The following FBXO15 variants were observed in gnomAD, a reference collection of about 807,000 sequenced individuals.
The protein encoded by FBXO15 is F-box only protein 15.
FBXO15 carries 30 observed loss-of-function variants against 49.5 expected under a neutral mutation model. The observed-to-expected ratio is 0.61, with a 90% CI of 0.45 to 0.82. The LOEUF (loss-of-function observed/expected upper bound fraction) is 0.82, where lower values mean the gene tolerates loss of function less well. Among genes scored for constraint, FBXO15 ranks in the 40% least tolerant of loss-of-function variants. The pLI is 0.00. For synonymous variants in FBXO15, 250 were observed against 232.7 expected, an observed-to-expected ratio of 1.07 and a Z score of -0.68; for missense variants, 591 against 631.5, an observed-to-expected ratio of 0.94 and a Z score of 0.69.
intron 1 of FBXO15, among the ~76,000 whole-genome samples, chr18:74,146,670 T>A (rs1979433762): frequency 6.6e-6 from 1 of 152,144 alleles, no homozygotes; most frequent in African/African-American, 2.4e-5. Context: ...AGGTATTCAA[T>A]TAAGAACTAT....
rs763917781 is a variant in FBXO15 at position 74,073,594 on chromosome 18, T to C, written c.1400A>G (p.Asp467Gly). The change falls in exon 10 of 10, where the codon GAC (aspartate) becomes GGC (glycine). Residue 467 changes from aspartate to glycine, a missense_variant. Coordinates refer to ENST00000419743, the MANE Select transcript of FBXO15 (RefSeq NM_001142958.2). ...SSFLGQTYNVDYVDAEGRVHV... is the reference protein window; with the variant it reads ...SSFLGQTYNVGYVDAEGRVHV... Reference sequence around the variant, plus strand: ...CACTCTTCCTTCCGCATCAACGTAGTCCACGTTGTATGTCTGTCCCAAGAA... The same window carrying C: ...CACTCTTCCTTCCGCATCAACGTAGCCCACGTTGTATGTCTGTCCCAAGAA... 7.4e-6 allele frequency: 12 copies of C among 1,614,080 alleles called. No homozygotes were observed. Among genetic ancestry groups the C allele is most frequent in the Non-Finnish European group, 1.0e-5 (12 of 1,180,038 alleles).
In FBXO15 at chr18:74,075,564, T is replaced by C. The variant is rs903988762; in HGVS notation, c.1264-1834A>G. Among the ~76,000 whole-genome samples, 1 of 152,224 alleles carries C rather than the reference T, an allele frequency of 6.6e-6. No individual in the cohort carries two copies. Among genetic ancestry groups the C allele is most frequent in the African/African-American group, 2.4e-5 (1 of 41,460 alleles). ...CCAGACAACCCTCTCCAAAGAGCTG[T>C]CTCCGCTGGATTTGTCCATTAATAC... On this transcript the variant is annotated intron_variant, in intron 9 of 9. Coordinates refer to ENST00000419743, the MANE Select transcript of FBXO15 (RefSeq NM_001142958.2). The surrounding 1 kb of genome is among the most constrained non-coding windows in gnomAD (Gnocchi z 4.1).
At chr18:74,108,326 T>C (rs1447457826) in intron 8 of FBXO15, among the ~76,000 whole-genome samples, 2 of 151,432 alleles carry the variant, frequency 1.3e-5, no homozygotes, top group African/African-American at 4.9e-5. Context: ...CAAGAATAGG[T>C]AAGCAATGTA....
chr18:74,126,227 G>C, intron 5 of FBXO15, 126 bp from the exon 6 acceptor site: 1 of 1,272,712 alleles, frequency 7.9e-7, no homozygotes, highest in Non-Finnish European at 1.1e-6. Context: ...CAAACTAAGT[G>C]GCATGTTGGC....
chr18:74,103,436 A>C (rs1004757467), intron 8 of FBXO15, among the ~76,000 whole-genome samples: 2 of 152,044 alleles, frequency 1.3e-5, no homozygotes, highest in Non-Finnish European at 2.9e-5. Context: ...GTTGAGCAAG[A>C]ACAAGTAGTA....
chr18:74,116,819 G>A (rs923866020), intron 8 of FBXO15, among the ~76,000 whole-genome samples: 2 of 152,112 alleles, frequency 1.3e-5, no homozygotes, highest in African/African-American at 4.8e-5. Context: ...ATAACGGTTT[G>A]TTAATAGATG....
rs1912216283 is a variant in FBXO15 at position 74,075,332 on chromosome 18, T to C, written c.1264-1602A>G. 6.6e-6 allele frequency among the ~76,000 whole-genome samples: 1 copy of C among 152,208 alleles called. No individual in the cohort carries two copies. The highest frequency in any genetic ancestry group is 1.5e-5 in the Non-Finnish European group (1 of 68,032). The stretch of plus-strand genomic sequence containing the variant: ...GCCCACCTCTCCTCACATGTGTTTC[T>C]CATCTGCTCCTCCCGGGTGTGGCCC... On this transcript the variant is annotated intron_variant, in intron 9 of 9. Transcript: ENST00000419743. The surrounding 1 kb of genome is among the most constrained non-coding windows in gnomAD (Gnocchi z 4.1).
intron 9 of FBXO15, among the ~76,000 whole-genome samples, chr18:74,078,281 A>G (rs1912336083): frequency 6.6e-6 from 1 of 151,914 alleles, no homozygotes; most frequent in Admixed American, 6.6e-5. Flanking sequence ...CTCTTTAACA[A>G]CATCCACAGA....
At chr18:74,104,594 C>T (rs1913665083) in intron 8 of FBXO15, among the ~76,000 whole-genome samples, 1 of 152,046 alleles carries the variant, frequency 6.6e-6, no homozygotes, top group African/African-American at 2.4e-5. Flanking sequence ...AAAGATATTC[C>T]ATACAACTGC....
At chr18:74,141,854 C>G (rs1979097530) in intron 1 of FBXO15, among the ~76,000 whole-genome samples, 1 of 152,188 alleles carries the variant, frequency 6.6e-6, no homozygotes, top group African/African-American at 2.4e-5. Context: ...CACCTGGCTG[C>G]CCTGCTTCCC....
In FBXO15 at chr18:74,147,733, G is replaced by C. The variant is rs1979543732; in HGVS notation, c.53C>G (p.Thr18Arg). Reference protein sequence around the residue: ...ILQQHWLGLQTLRGPSRGGGA... With the variant: ...ILQQHWLGLQRLRGPSRGGGA... ...ACCGCCCCTGCTGGGCCCGCGCAGC[G>C]TCTGGAGGCCGAGCCAGTGCTGCTG... The change falls in exon 1 of 10, where the codon ACG (threonine) becomes AGG (arginine). Residue 18 changes from threonine (T) to arginine (R), a missense_variant. By Grantham distance (71) the Thr-to-Arg change is moderately conservative. Transcript: ENST00000419743. 2 of 1,536,372 alleles carry C rather than the reference G, an allele frequency of 1.3e-6. No individual in the cohort carries two copies. The highest frequency in any genetic ancestry group is 1.7e-6 in the Non-Finnish European group (2 of 1,143,388).
rs1335758080 is a variant in FBXO15, at chr18:74,147,794, G to T, written c.-9C>A. Reference sequence around the variant, plus strand: ...CCGCGTCCAGTCGCCATAGAGACAAGGAGTTCACCACAGGACCGCGCCAGG... The same window carrying T: ...CCGCGTCCAGTCGCCATAGAGACAATGAGTTCACCACAGGACCGCGCCAGG... On this transcript the variant is annotated 5_prime_UTR_variant, in exon 1 of 10. Transcript: ENST00000419743. The T allele has an allele frequency of 6.5e-7, 1 of 1,527,612 alleles. No homozygotes were observed. The highest frequency in any genetic ancestry group is 1.2e-5 in the South Asian group (1 of 82,424). The allele number at this position is 1,527,612 out of a possible 1,614,324, so 94.6% of individuals were successfully genotyped here.
chr18:74,086,099 T>C (rs1386246849), intron 8 of FBXO15, among the ~76,000 whole-genome samples: 2 of 152,196 alleles, frequency 1.3e-5, no homozygotes, highest in Non-Finnish European at 2.9e-5. Flanking sequence ...CTGTTTCTAA[T>C]GCTTTACCTA....
At position 74,135,874 on chromosome 18, in the gene FBXO15, A is replaced by C. The variant is rs561207463; in HGVS notation, c.228-8T>G. 5 of 1,598,052 alleles carry C rather than the reference A, an allele frequency of 3.1e-6. No homozygotes were observed. In the South Asian group the frequency reaches 5.7e-5, roughly 18 times the overall value. On this transcript the variant is annotated splice_polypyrimidine_tract_variant and splice_region_variant and intron_variant, in intron 2 of 9. Transcript: ENST00000419743. ...AAGATTTCTGAAGGCATTCTGCAAA[A>C]ACAGAAAAAGAAAAAAAAAATCACC...
chr18:74,147,404 C>T (rs1361394246), intron 1 of FBXO15: 26 of 845,066 alleles, frequency 3.1e-5, no homozygotes, highest in Non-Finnish European at 3.8e-5. Context: ...TGCACCTGTC[C>T]TGGCAGGTGC....
At chr18:74,139,011 C>T (rs939286855) in intron 2 of FBXO15, among the ~76,000 whole-genome samples, 1 of 152,140 alleles carries the variant, frequency 6.6e-6, no homozygotes, top group Non-Finnish European at 1.5e-5. Context: ...ACCTGATGGG[C>T]TCCCCGACCC....
chr18:74,073,482 A>G lies in FBXO15; in HGVS notation c.1512T>C (p.His504=), dbSNP rs1912115455. Residue 504 remains histidine (H), a synonymous_variant, in exon 10 of 10, where the codon CAT becomes CAC. Transcript: ENST00000419743. ...VLYLSIAKIN[H]WFGTEY ...ACTGCTAATATTCAGTCCCAAACCA[A>G]TGGTTGATTTTTGCGATACTAAGAT... 1.2e-6 allele frequency: 2 copies of G among 1,613,918 alleles called. No homozygotes were observed. Among genetic ancestry groups the G allele is most frequent in the South Asian group, 1.1e-5 (1 of 91,010 alleles).
At chr18:74,123,234 C>G (rs542862548) in intron 8 of FBXO15, 134 bp downstream of exon 8, 1 of 920,926 alleles carries the variant, frequency 1.1e-6, no homozygotes, top group Non-Finnish European at 1.6e-6. Context: ...GGATGACACA[C>G]GGGTCTGGGA....
rs565366800 is a variant in FBXO15, at chr18:74,129,484, G to A, written c.706C>T (p.Leu236=). The change falls in exon 5 of 10, where the codon CTA becomes TTA. Residue 236 remains leucine, a synonymous_variant. Transcript: ENST00000419743. ...VIWYGKKWPC[L]ASLSTLDLCG... The stretch of plus-strand genomic sequence containing the variant: ...AAATCTAAGGTTGACAATGATGCTA[G>A]GCATGGCCATTTTTTGCCATACCAT... The A allele has an allele frequency of 6.2e-7, 1 of 1,613,942 alleles. No homozygotes were observed. Among genetic ancestry groups the A allele is most frequent in the Admixed American group, 1.7e-5 (1 of 60,016 alleles).
Sources: gnomAD v4.1 joint callset for allele counts (sites outside exome capture counted in the v4.1 genomes callset) on GRCh38, gnomAD v4.1.1 for gene constraint, Gnocchi (gnomAD v3.1) non-coding constraint, MANE v1.5 for transcripts, NCBI Gene and HGNC (gene_info 2026-07-23, HGNC 2026-07-21) for gene names.